Variants in PAK1 observed in about 807,000 individuals in gnomAD.
PAK1 encodes the protein p21 (RAC1) activated kinase 1.
A neutral mutation model predicts 67.4 loss-of-function variants in PAK1; 29 were observed. That is an observed-to-expected ratio of 0.43 (90% confidence interval 0.32 to 0.59). The LOEUF (loss-of-function observed/expected upper bound fraction) is 0.59, where lower values mean the gene tolerates loss of function less well. Among genes scored for constraint, PAK1 ranks in the 20% least tolerant of loss-of-function variants. The pLI, the probability that PAK1 is intolerant of heterozygous loss-of-function variation, is 0.07. For missense variants in PAK1, 337 were observed against 670.7 expected (o/e 0.50, Z 5.50); for synonymous variants, 223 against 237.4 (o/e 0.94, Z 0.56).
intron 1 of PAK1, among the ~76,000 whole-genome samples, chr11:77,462,254 C>T (rs1957385044): frequency 6.6e-6 from 1 of 151,870 alleles, no homozygotes. Flanking sequence ...TGGCGTGAAC[C>T]CGGGAGGCGG....
intron 5 of PAK1, among the ~76,000 whole-genome samples, chr11:77,367,473 TA>T (rs1409398803): frequency 1.3e-5 from 2 of 152,034 alleles, no homozygotes; most frequent in Non-Finnish European, 2.9e-5. Flanking sequence ...TTACCTTCCT[TA>T]GAGATAAGAA....
intron 2 of PAK1, among the ~76,000 whole-genome samples, chr11:77,385,855 C>T (rs370219849): frequency 8.3e-5 from 12 of 144,942 alleles, no homozygotes; most frequent in African/African-American, 2.5e-4. Context: ...GTGACTGTCT[C>T]AAAAAAAAAA....
chr11:77,484,926 A>G, the PAK1 span, among the ~76,000 whole-genome samples: 77,359 of 152,130 alleles, frequency 0.51, 21,101 homozygotes, highest in Admixed American at 0.66. Context: ...GCAAGGAGGA[A>G]CAAGTCACAT....
At chr11:77,393,275 TA>T (rs34684010) in intron 1 of PAK1, among the ~76,000 whole-genome samples, 35 of 132,114 alleles carry the variant, frequency 2.6e-4, no homozygotes, top group East Asian at 2.3e-3. Context: ...CCTTGTTCTT[TA>T]AAAAAAAAAA....
At chr11:77,475,602 A>C (rs1197294936), upstream of PAK1, 1 of 152,228 alleles carries the variant, frequency 6.6e-6, no homozygotes, top group African/African-American at 2.4e-5. Context: ...CATGTCTTCA[A>C]GCTCTTCCCT....
chr11:77,371,062 G>A (rs996837453), intron 5 of PAK1, among the ~76,000 whole-genome samples: 1 of 152,140 alleles, frequency 6.6e-6, no homozygotes, highest in African/African-American at 2.4e-5. Flanking sequence ...CACAAAAATT[G>A]TGAGACCAAG....
the PAK1 span, among the ~76,000 whole-genome samples, chr11:77,518,805 G>T: frequency 6.6e-3 from 1,006 of 152,228 alleles, 20 homozygotes; most frequent in African/African-American, 0.023. Flanking sequence ...GGACCAGGCT[G>T]AATTGTCATC....
chr11:77,490,209 C>T, the PAK1 span, among the ~76,000 whole-genome samples: 48 of 150,816 alleles, frequency 3.2e-4, no homozygotes, highest in Admixed American at 1.3e-4. Flanking sequence ...GGAGCCCCTC[C>T]GCCCAGCAAC....
At chr11:77,481,870 A>G in the PAK1 span, among the ~76,000 whole-genome samples, 3 of 152,242 alleles carry the variant, frequency 2.0e-5, no homozygotes, top group South Asian at 2.1e-4. Context: ...ACTCGCTACT[A>G]TATCTCTAGA....
intron 13 of PAK1, among the ~76,000 whole-genome samples, chr11:77,334,612 G>A (rs1475997036): frequency 6.6e-6 from 1 of 152,168 alleles, no homozygotes; most frequent in Non-Finnish European, 1.5e-5. Flanking sequence ...CTAATCTAAT[G>A]TCCTTTACTT....
At chr11:77,503,420 G>A in the PAK1 span, among the ~76,000 whole-genome samples, 1 of 152,236 alleles carries the variant, frequency 6.6e-6, no homozygotes, top group Non-Finnish European at 1.5e-5. Flanking sequence ...GTTGGTGGCG[G>A]TTCAAGTGCA....
the PAK1 span, among the ~76,000 whole-genome samples, chr11:77,519,645 C>A: frequency 5.1e-4 from 77 of 152,198 alleles, no homozygotes; most frequent in African/African-American, 1.8e-3. Context: ...TTTCCTAATT[C>A]TATCATTCCT....
chr11:77,411,033 T>C (rs1954446032), intron 1 of PAK1, among the ~76,000 whole-genome samples: 1 of 151,994 alleles, frequency 6.6e-6, no homozygotes, highest in African/African-American at 2.4e-5. Context: ...TTCCCAACCC[T>C]ACCTCCCTAC....
chr11:77,414,512 G>GCTACA (rs1406999442), intron 1 of PAK1, among the ~76,000 whole-genome samples: 2 of 152,192 alleles, frequency 1.3e-5, no homozygotes, highest in Admixed American at 6.5e-5. Flanking sequence ...TTGCTATAAA[G>GCTACA]CTACAGTGAT....
At chr11:77,384,750 G>T (rs1950244216) in intron 2 of PAK1, among the ~76,000 whole-genome samples, 1 of 152,168 alleles carries the variant, frequency 6.6e-6, no homozygotes, top group Admixed American at 6.5e-5. Flanking sequence ...GAAGGGAGAA[G>T]TGAGGAACGA....
the PAK1 span, among the ~76,000 whole-genome samples, chr11:77,521,989 T>C: frequency 2.0e-5 from 3 of 152,214 alleles, no homozygotes; most frequent in African/African-American, 7.2e-5. Context: ...GAAACATAAT[T>C]TCACTCTCTA....
chr11:77,519,423 G>A, the PAK1 span, among the ~76,000 whole-genome samples: 1 of 152,060 alleles, frequency 6.6e-6, no homozygotes, highest in Non-Finnish European at 1.5e-5. Flanking sequence ...AGTCCCAAAG[G>A]CCTTATTAGA....
At chr11:77,367,275 G>A (rs1947729659) in intron 5 of PAK1, among the ~76,000 whole-genome samples, 1 of 152,102 alleles carries the variant, frequency 6.6e-6, no homozygotes, top group African/African-American at 2.4e-5. Flanking sequence ...GTATTGAATT[G>A]TCCACCACCA....
At chr11:77,474,359 C>T (rs1034823518), upstream of PAK1, 3 of 152,142 alleles carry the variant, frequency 2.0e-5, no homozygotes, top group African/African-American at 7.2e-5. Flanking sequence ...ATTACGTCAT[C>T]GGCGCGTGAC....
Sources: allele counts gnomAD v4.1 joint callset (sites outside exome capture counted in the v4.1 genomes callset), GRCh38; gene constraint gnomAD v4.1.1; transcripts MANE v1.5; gene names NCBI Gene and HGNC (gene_info 2026-07-23, HGNC 2026-07-21).